The following NPL variants were observed in gnomAD, a reference collection of about 807,000 sequenced individuals.
The protein encoded by NPL is N-acetylneuraminate pyruvate lyase.
A neutral mutation model predicts 41.1 loss-of-function variants in NPL; 32 were observed. That is an observed-to-expected ratio of 0.78 (90% CI 0.59 to 1.05). NPL has a LOEUF of 1.05. Among genes scored for constraint, NPL ranks in the 50% least tolerant of loss-of-function variants. NPL has a pLI of 0.00. For missense variants in NPL, 321 were observed against 378.4 expected (o/e 0.85, Z 1.26); for synonymous variants, 128 against 134.9 (o/e 0.95, Z 0.35).
intron 5 of NPL, among the ~76,000 whole-genome samples, chr1:182,807,720 C>CAAAAAAAA (rs753955697): frequency 1.1e-4 from 6 of 55,418 alleles, no homozygotes; most frequent in Admixed American, 1.9e-4. Flanking sequence ...ACTAAAAATA[C>CAAAAAAAA]AAAAAAAAAA....
intron 5 of NPL, among the ~76,000 whole-genome samples, chr1:182,810,905 A>T (rs1331682289): frequency 1.3e-5 from 2 of 152,146 alleles, no homozygotes; most frequent in African/African-American, 4.8e-5. Flanking sequence ...CTTTCTGAGG[A>T]GTTCACAGCT....
intron 7 of NPL, among the ~76,000 whole-genome samples, chr1:182,816,044 A>T (rs1447048444): frequency 1.3e-5 from 2 of 152,260 alleles, no homozygotes; most frequent in Non-Finnish European, 2.9e-5. Flanking sequence ...AGTATTAAGT[A>T]CATAAAATTC....
intron 12 of NPL, among the ~76,000 whole-genome samples, chr1:182,827,941 A>C (rs1253588121): frequency 6.6e-6 from 1 of 152,202 alleles, no homozygotes; most frequent in Non-Finnish European, 1.5e-5. Flanking sequence ...CACCAGTTCT[A>C]ACCAGTCTTT....
intron 11 of NPL, among the ~76,000 whole-genome samples, chr1:182,823,692 A>G (rs1190319037): frequency 6.6e-6 from 1 of 152,248 alleles, no homozygotes; most frequent in Non-Finnish European, 1.5e-5. Context: ...TGAGCAGAAC[A>G]TGGAAATCAT....
At chr1:182,797,201 A>G (rs573642086) in intron 3 of NPL, among the ~76,000 whole-genome samples, 1 of 152,330 alleles carries the variant, frequency 6.6e-6, no homozygotes, top group African/African-American at 2.4e-5. Context: ...ATTCCAGTCC[A>G]TCGTCCACAC....
intron 5 of NPL, chr1:182,809,193 A>G (rs1428021152): frequency 1.8e-5 from 8 of 448,130 alleles, no homozygotes; most frequent in Admixed American, 1.2e-4. Context: ...AGGTCAAACC[A>G]TCATAAGTTG....
intron 1 of NPL, among the ~76,000 whole-genome samples, chr1:182,790,166 G>C (rs1234878206): frequency 2.6e-5 from 4 of 152,150 alleles, no homozygotes; most frequent in African/African-American, 9.7e-5. Flanking sequence ...GTGGTTTTCT[G>C]CTTTTTTAAA....
intron 3 of NPL, among the ~76,000 whole-genome samples, chr1:182,802,185 T>C (rs1429663884): frequency 6.6e-6 from 1 of 152,072 alleles, no homozygotes; most frequent in Non-Finnish European, 1.5e-5. Context: ...CAGACAGAGG[T>C]CAGGAGGGAG....
chr1:182,795,908 C>A (rs545678283), intron 3 of NPL: 2 of 152,140 alleles, frequency 1.3e-5, no homozygotes, highest in East Asian at 3.9e-4. Context: ...TTAATAAGAC[C>A]CCTCTTATCC....
Position 182,828,991 on chromosome 1 carries a change from G to T in NPL, c.*83G>T. 9 of 1,600,206 alleles carry T rather than the reference G, an allele frequency of 5.6e-6. No individual in the cohort carries two copies. The highest frequency in any genetic ancestry group is 7.6e-6 in the Non-Finnish European group (9 of 1,178,010). On this transcript the variant is annotated 3_prime_UTR_variant, in exon 13 of 13. Transcript: ENST00000367553. This position sits in a 1 kb window ranked among gnomAD's most constrained non-coding sequence, Gnocchi z 4.0. ...ATTTTTTTCTCAGGGAATTTTAGAT[G>T]AACTTGAATAAACTCTCCTAGCAAA... is the stretch of plus-strand genomic sequence containing the variant.
chr1:182,813,513 G>A (rs1242524220), intron 6 of NPL, among the ~76,000 whole-genome samples: 1 of 152,150 alleles, frequency 6.6e-6, no homozygotes, highest in Admixed American at 6.5e-5. Context: ...AAGGCAGTGT[G>A]GTGTAGGGTA....
chr1:182,810,983 TG>T, intron 5 of NPL, among the ~76,000 whole-genome samples: 1 of 152,322 alleles, frequency 6.6e-6, no homozygotes, highest in South Asian at 2.1e-4. Flanking sequence ...ACAGCTATGT[TG>T]TACCACCTCT....
intron 7 of NPL, among the ~76,000 whole-genome samples, chr1:182,815,608 T>A (rs1667304615): frequency 6.6e-6 from 1 of 152,200 alleles, no homozygotes; most frequent in Non-Finnish European, 1.5e-5. Context: ...AAAAATTTTT[T>A]AAATTATTTT....
At chr1:182,827,952 C>T (rs930768765) in intron 12 of NPL, among the ~76,000 whole-genome samples, 9 of 152,120 alleles carry the variant, frequency 5.9e-5, no homozygotes, top group Non-Finnish European at 1.0e-4. Flanking sequence ...ACCAGTCTTT[C>T]GGTTAATTTT....
intron 12 of NPL, 107 bp downstream of exon 12, chr1:182,825,927 T>C: frequency 1.1e-6 from 1 of 874,824 alleles, no homozygotes; most frequent in African/African-American, 1.6e-5. Flanking sequence ...TAATGGTCTG[T>C]TGCAAGCAGA....
At chr1:182,827,688 T>C (rs1308680410) in intron 12 of NPL, among the ~76,000 whole-genome samples, 1 of 152,194 alleles carries the variant, frequency 6.6e-6, no homozygotes, top group East Asian at 1.9e-4. Context: ...ATGGCTTCTA[T>C]TCCTTCTTTT....
chr1:182,816,978 A>G (rs1667353004), intron 8 of NPL, among the ~76,000 whole-genome samples, 172 bp downstream of exon 8: 2 of 152,192 alleles, frequency 1.3e-5, no homozygotes, highest in Admixed American at 6.5e-5. Context: ...GCCCTTATCA[A>G]TCATTCACAC....
intron 10 of NPL, among the ~76,000 whole-genome samples, chr1:182,821,815 A>C (rs1343972205): frequency 6.6e-6 from 1 of 152,124 alleles, no homozygotes; most frequent in African/African-American, 2.4e-5. Flanking sequence ...ACCTGTGTGT[A>C]CCCTAGGGCA....
chr1:182,806,377 A>G, intron 5 of NPL, 145 bp downstream of exon 5: 1 of 1,547,436 alleles, frequency 6.5e-7, no homozygotes, highest in Non-Finnish European at 8.7e-7. Flanking sequence ...GGCCCCCGGG[A>G]TCCTGGCTTC....
Sources: allele counts gnomAD v4.1 joint callset (sites outside exome capture counted in the v4.1 genomes callset), GRCh38; gene constraint gnomAD v4.1.1; non-coding constraint Gnocchi (gnomAD v3.1); transcripts MANE v1.5; gene names NCBI Gene and HGNC (gene_info 2026-07-23, HGNC 2026-07-21).